The following ARFGAP1 variants were observed in gnomAD, a reference collection of about 807,000 sequenced individuals.
The protein encoded by ARFGAP1 is ARF GTPase activating protein 1, also known as ADP-ribosylation factor GTPase-activating protein 1.
In ARFGAP1, 26 loss-of-function variants were observed where a neutral mutation model predicts 54.0. The ratio of observed to expected loss-of-function variants is 0.48; its 90% confidence interval spans 0.35 to 0.67. ARFGAP1 has a LOEUF of 0.67. Among genes scored for constraint, ARFGAP1 ranks in the 30% least tolerant of loss-of-function variants. ARFGAP1 has a pLI of 0.00. For missense variants in ARFGAP1, 525 were observed against 535.8 expected (o/e 0.98, Z 0.20); for synonymous variants, 248 against 211.9 (o/e 1.17, Z -1.48).
intron 11 of ARFGAP1, chr20:63,285,979 G>A (rs1324942582): frequency 6.6e-7 from 1 of 1,520,534 alleles, no homozygotes; most frequent in Non-Finnish European, 8.8e-7. Context: ...CGGTAAGTAA[G>A]TGCCAGCGCC....
chr20:63,278,883 T>A lies in ARFGAP1; in HGVS notation c.531-16T>A, dbSNP rs748442587. 6 of 1,613,784 alleles carry A rather than the reference T, an allele frequency of 3.7e-6. No homozygotes were observed. The South Asian group carries it at 6.6e-5, about 18-fold the overall frequency. ...TCATGCCAGCATCTTCGGCCTCTTG[T>A]CCGCTTTGTTTTCAGGGCCCAGGGG... is the stretch of plus-strand genomic sequence containing the variant. On this transcript the variant is annotated splice_polypyrimidine_tract_variant and intron_variant, in intron 6 of 12. Transcript: ENST00000370283.
intron 7 of ARFGAP1, chr20:63,279,287 C>T (rs979901907): frequency 8.0e-6 from 4 of 498,678 alleles, no homozygotes; most frequent in African/African-American, 3.9e-5. Flanking sequence ...CTCACTGCAA[C>T]CTCTGCCTCC....
Position 63,288,287 on chromosome 20 carries a change from AT to A in ARFGAP1, c.*417del. The A allele has an allele frequency of 2.1e-6, 1 of 484,734 alleles. No homozygotes were observed. The highest frequency in any genetic ancestry group is 4.1e-6 in the Non-Finnish European group (1 of 246,180). 30.0% of individuals were successfully genotyped at this position (484,734 alleles called of 1,614,324 possible). A position where few individuals can be genotyped will look rare whatever the true frequency, so the allele number is the denominator to read the frequency against. ...GTGAGGTGTCCCTTCTCGTTGAGAT[AT>A]TTAACTTTGGTTTTGCTCTAGTTCT... On this transcript the variant is annotated 3_prime_UTR_variant, in exon 13 of 13. Coordinates refer to ENST00000370283, the MANE Select transcript of ARFGAP1 (RefSeq NM_018209.4).
At chr20:63,286,203 C>T (rs527563237) in intron 11 of ARFGAP1, 163 bp from the exon 12 acceptor site, 19 of 1,549,130 alleles carry the variant, frequency 1.2e-5, no homozygotes, top group Middle Eastern at 1.7e-4. Context: ...GCAGAGTGGC[C>T]GGGGCGTCTG....
intron 9 of ARFGAP1, chr20:63,283,804 C>CCCTCACCTCGCTCTCT: frequency 6.2e-7 from 1 of 1,610,112 alleles, no homozygotes; most frequent in Non-Finnish European, 8.5e-7. Context: ...CTAATGCCGC[C>CCCTCACCTCGCTCTCT]CCTCACCTTG....
chr20:63,286,809 C>T, intron 12 of ARFGAP1: 1 of 256,070 alleles, frequency 3.9e-6, no homozygotes, highest in Non-Finnish European at 7.7e-6. Flanking sequence ...GGAGCTGGCG[C>T]TGCTCTGCTG....
At chr20:63,275,520 C>G in intron 1 of ARFGAP1, 57 bp from the exon 2 acceptor site, 1 of 1,544,336 alleles carries the variant, frequency 6.5e-7, no homozygotes, top group Non-Finnish European at 8.9e-7. Flanking sequence ...ACGTTATTTT[C>G]TTTTTTGTAG....
At chr20:63,281,067 A>G (rs1007655193) in intron 7 of ARFGAP1, among the ~76,000 whole-genome samples, 2 of 151,908 alleles carry the variant, frequency 1.3e-5, no homozygotes, top group Non-Finnish European at 2.9e-5. Context: ...CTGTGTTGGG[A>G]GCACTGCAGT....
intron 9 of ARFGAP1, chr20:63,283,957 G>T: frequency 6.3e-7 from 1 of 1,594,236 alleles, no homozygotes; most frequent in East Asian, 2.2e-5. Flanking sequence ...TCCCTCCTGC[G>T]TGCTGCCACT....
At position 63,289,667 on chromosome 20, in the gene ARFGAP1, C is replaced by G. The variant is rs1466655484; in HGVS notation, c.*1794C>G. On this transcript the variant is annotated 3_prime_UTR_variant, in exon 13 of 13. Transcript: ENST00000370283. ...CCGTCCACGGAGGGTGATGGCCTTT[C>G]CCTTCTGCAGGTGCGGGCAGGTGGG... The G allele has an allele frequency of 1.3e-5, 2 of 152,420 alleles. No individual in the cohort carries two copies. Among genetic ancestry groups the G allele is most frequent in the East Asian group, 1.9e-4 (1 of 5,196 alleles). 9.4% of individuals were successfully genotyped at this position (152,420 alleles called of 1,614,324 possible).
In ARFGAP1 at chr20:63,286,566, C is replaced by T. The variant is rs549914249; in HGVS notation, c.911+124C>T. 525 of 946,090 alleles carry T rather than the reference C, an allele frequency of 5.5e-4. 10 individuals carry two copies. In the South Asian group the frequency reaches 7.6e-3, roughly 14 times the overall value. The allele number at this position is 946,090 out of a possible 1,614,324, so 58.6% of individuals were successfully genotyped here. Reference sequence around the variant, plus strand: ...GGGAAGGGGCACTGTGGAGGCTCTCCGGGAGGTGGCTGGCATCCTTGCTGG... The same window carrying T: ...GGGAAGGGGCACTGTGGAGGCTCTCTGGGAGGTGGCTGGCATCCTTGCTGG... On this transcript the variant is annotated intron_variant, in intron 12 of 12. Transcript: ENST00000370283.
At chr20:63,286,032 G>A (rs1474982471) in intron 11 of ARFGAP1, 6 of 1,547,328 alleles carry the variant, frequency 3.9e-6, no homozygotes, top group Non-Finnish European at 3.5e-6. Flanking sequence ...GGCCATTTGG[G>A]GCGTGCATTT....
At chr20:63,284,549 G>A (rs1286728385) in intron 9 of ARFGAP1, 2 of 1,230,240 alleles carry the variant, frequency 1.6e-6, no homozygotes, top group Admixed American at 7.2e-5. Context: ...GTTGGCCTCA[G>A]GCACAGGCTC....
chr20:63,276,556 T>A lies in ARFGAP1; in HGVS notation c.247T>A (p.Phe83Ile), dbSNP rs1450548549. The A allele has an allele frequency of 6.2e-7, 1 of 1,614,104 alleles. No individual in the cohort carries two copies. ...GATGAAAGCTGGTGGGAATGCTAAG[T>A]TCCGAGAGTTCCTGGAGTCTCAGGA... is the stretch of plus-strand genomic sequence containing the variant. The part of the protein sequence containing the change: ...EKMKAGGNAK[F>I]REFLESQEDY... The change falls in exon 4 of 13, where the codon TTC becomes ATC. Residue 83 changes from phenylalanine (F) to isoleucine (I), a missense_variant. Physicochemically the swap from Phe to Ile is conservative, Grantham distance 21 (BLOSUM62 0). Coordinates refer to ENST00000370283, the MANE Select transcript of ARFGAP1 (RefSeq NM_018209.4). The surrounding 1 kb of genome is among the most constrained non-coding windows in gnomAD (Gnocchi z 5.2).
chr20:63,285,622 C>T (rs2067512730), intron 10 of ARFGAP1, 32 bp from the exon 11 acceptor site: 1 of 1,608,614 alleles, frequency 6.2e-7, no homozygotes, highest in Non-Finnish European at 8.5e-7. Flanking sequence ...TCTCTCCCGC[C>T]CCCATTAATG....
At chr20:63,275,739 A>C in intron 2 of ARFGAP1, 99 bp downstream of exon 2, 2 of 1,200,584 alleles carry the variant, frequency 1.7e-6, no homozygotes, top group East Asian at 2.5e-5. Flanking sequence ...ACCCTCCTGC[A>C]GTGGATGGTG....
chr20:63,283,567 C>G (rs2067442226), intron 9 of ARFGAP1: 1 of 475,354 alleles, frequency 2.1e-6, no homozygotes, highest in Non-Finnish European at 3.7e-6. Flanking sequence ...ACCCCTTCCT[C>G]TCTGAGGGAG....
Position 63,276,831 on chromosome 20 carries a change from A to G in ARFGAP1, c.342+180A>G, listed in dbSNP as rs943305000. ...GGCTTCCTGCCCAGAGGGGAGGCAAATGGCTTGCGGGGGGAGACAGACCTT... is the reference window on the plus strand; with the variant it reads ...GGCTTCCTGCCCAGAGGGGAGGCAAGTGGCTTGCGGGGGGAGACAGACCTT... On this transcript the variant is annotated intron_variant, in intron 4 of 12. Transcript: ENST00000370283. This position sits in a 1 kb window ranked among gnomAD's most constrained non-coding sequence, Gnocchi z 5.2. 12 of 679,738 alleles carry G rather than the reference A, an allele frequency of 1.8e-5. No individual in the cohort carries two copies. Among genetic ancestry groups the G allele is most frequent in the Non-Finnish European group, 2.8e-5 (12 of 424,400 alleles). 42.1% of individuals were successfully genotyped at this position (679,738 alleles called of 1,614,324 possible).
rs1041784023 is a variant in ARFGAP1, at chr20:63,275,265, A to G, written c.-4-312A>G. Among the ~76,000 whole-genome samples the G allele has an allele frequency of 8.5e-5, 13 of 152,218 alleles. No individual in the cohort carries two copies. The East Asian group carries it at 1.2e-3, about 14-fold the overall frequency. On this transcript the variant is annotated intron_variant, in intron 1 of 12. Transcript: ENST00000370283. ...GCTGTGGATTTCACCATTAGAAGACAGGACTTTTTATAACTGGTGCAGTCT... is the reference window on the plus strand; with the variant it reads ...GCTGTGGATTTCACCATTAGAAGACGGGACTTTTTATAACTGGTGCAGTCT...
Sources: allele counts gnomAD v4.1 joint callset (sites outside exome capture counted in the v4.1 genomes callset), GRCh38; gene constraint gnomAD v4.1.1; non-coding constraint Gnocchi (gnomAD v3.1); transcripts MANE v1.5; gene names NCBI Gene and HGNC (gene_info 2026-07-23, HGNC 2026-07-21).